The following FAM161A variants were observed in gnomAD, a reference collection of about 807,000 sequenced individuals.
FAM161A encodes the protein FAM161 centrosomal protein A.
In FAM161A, 57 loss-of-function variants were observed where a neutral mutation model predicts 70.9. The ratio of observed to expected loss-of-function variants is 0.80; its 90% CI spans 0.65 to 1.00. The LOEUF is 1.00. Ranked by LOEUF, FAM161A falls within the 50% of genes least tolerant of loss-of-function variation. FAM161A has a pLI of 0.00. For synonymous variants in FAM161A, 299 were observed against 295.7 expected (o/e 1.01, Z -0.12); for missense variants, 880 against 836.0 (o/e 1.05, Z -0.65).
rs1672894439 is a variant in FAM161A, at chr2:61,839,072, T to TTCATTTA, written c.1583+348_1583+349insTAAATGA. ...TAATTTTTTGTATTTTTAGTAGAGA[T>TTCATTTA]GGGGGTTTCATTATCTCGGCCAGGG... On this transcript the variant is annotated intron_variant, in intron 3 of 6. Transcript: ENST00000404929. Among the ~76,000 whole-genome samples the TTCATTTA allele has an allele frequency of 6.6e-5, 10 of 151,628 alleles. No individual in the cohort carries two copies. In the South Asian group the frequency reaches 1.9e-3, roughly 28 times the overall value.
At chr2:61,801,940 AAC>A in the FAM161A span, among the ~76,000 whole-genome samples, 16 of 152,206 alleles carry the variant, frequency 1.1e-4, no homozygotes, top group Non-Finnish European at 2.2e-4. Flanking sequence ...AAACAAAACA[AAC>A]ACAAACTTCT....
intron 1 of FAM161A, among the ~76,000 whole-genome samples, chr2:61,853,406 A>G (rs554429496): frequency 7.9e-5 from 12 of 152,312 alleles, no homozygotes; most frequent in Admixed American, 3.3e-4. Flanking sequence ...TAGCCAGTGA[A>G]CACGTGATGG....
chr2:61,816,656 CG>C, the FAM161A span, among the ~76,000 whole-genome samples: 9 of 151,604 alleles, frequency 5.9e-5, no homozygotes, highest in Admixed American at 4.0e-4. Context: ...GACGGCGGGG[CG>C]GGGGGGTCTT....
In FAM161A at chr2:61,827,174, C is replaced by G; in HGVS notation, c.1936G>C (p.Gly646Arg). The change falls in exon 6 of 7, where the codon GGC becomes CGC. Residue 646 changes from glycine (G) to arginine (R), a missense_variant. Physicochemically the swap from Gly to Arg is moderately radical, Grantham distance 125. Transcript: ENST00000404929. ...GISDEFVSKKGQSGKVLEYFN... is the reference protein window; with the variant it reads ...GISDEFVSKKRQSGKVLEYFN... ...TACTCAAGTACTTTTCCACTTTGGC[C>G]TTTCTTTGAAACAAACTCATCAGAT... 1 of 1,613,922 alleles carries G rather than the reference C, an allele frequency of 6.2e-7. No homozygotes were observed. Among genetic ancestry groups the G allele is most frequent in the Non-Finnish European group, 8.5e-7 (1 of 1,179,994 alleles).
chr2:61,810,054 A>G, the FAM161A span, among the ~76,000 whole-genome samples: 2 of 152,260 alleles, frequency 1.3e-5, no homozygotes, highest in Non-Finnish European at 1.5e-5. Flanking sequence ...AGGCAAGACC[A>G]GCAGAAAATT....
chr2:61,809,760 C>T, the FAM161A span, among the ~76,000 whole-genome samples: 1 of 152,156 alleles, frequency 6.6e-6, no homozygotes, highest in Non-Finnish European at 1.5e-5. Context: ...CACCTGAGCC[C>T]TGCTTTAATG....
rs188276373 is a variant in FAM161A, at chr2:61,827,203, C to T, written c.1907G>A (p.Gly636Glu). Residue 636 changes from glycine to glutamate, a missense_variant, in exon 6 of 7, where the codon GGA becomes GAA. Transcript: ENST00000404929. ...CTTTGAAACAAACTCATCAGATATT[C>T]CTAGTGCTTTTAGGGTATTAGAATA... ...KHYSNTLKAL[G>E]ISDEFVSKKG... 1.2e-5 allele frequency: 19 copies of T among 1,613,880 alleles called. No individual in the cohort carries two copies. In the Admixed American group the frequency reaches 2.5e-4, roughly 21 times the overall value.
chr2:61,827,029 T>C (rs549573962), intron 6 of FAM161A, 75 bp downstream of exon 6: 26 of 1,363,914 alleles, frequency 1.9e-5, no homozygotes, highest in African/African-American at 4.3e-5. Flanking sequence ...AAAATATACA[T>C]AGTATAAAAT....
At chr2:61,827,712 A>G (rs894614250) in intron 5 of FAM161A, among the ~76,000 whole-genome samples, 4 of 151,800 alleles carry the variant, frequency 2.6e-5, no homozygotes, top group Non-Finnish European at 4.4e-5. Flanking sequence ...CAACAATTAC[A>G]CTCCTAGGAA....
intron 4 of FAM161A, chr2:61,836,974 TC>T (rs1672798569): frequency 6.4e-6 from 1 of 156,592 alleles, no homozygotes; most frequent in East Asian, 1.9e-4. Flanking sequence ...CAAATGATCC[TC>T]CCACCTTAGC....
the FAM161A span, among the ~76,000 whole-genome samples, chr2:61,816,666 TTGC>T: frequency 6.6e-6 from 1 of 152,102 alleles, no homozygotes; most frequent in Non-Finnish European, 1.5e-5. Flanking sequence ...CGGGGGGGTC[TTGC>T]TATGTTGCCC....
At chr2:61,824,001 C>A (rs1391511764), downstream of FAM161A, among the ~76,000 whole-genome samples, 1 of 151,484 alleles carries the variant, frequency 6.6e-6, no homozygotes, top group Non-Finnish European at 1.5e-5. Flanking sequence ...CTAAAGTAAT[C>A]TTTCAGCTGT....
the FAM161A span, among the ~76,000 whole-genome samples, chr2:61,804,834 G>A: frequency 7.1e-6 from 1 of 141,452 alleles, no homozygotes; most frequent in East Asian, 2.4e-4. Flanking sequence ...GAGAAAGAAA[G>A]AAGGAAGCAA....
intron 1 of FAM161A, among the ~76,000 whole-genome samples, chr2:61,851,524 C>T (rs1003795792): frequency 4.6e-5 from 7 of 151,868 alleles, no homozygotes; most frequent in South Asian, 2.1e-4. Flanking sequence ...TAGTAGAGAC[C>T]GGGTTTTGCC....
At chr2:61,834,682 C>T (rs943944115) in intron 5 of FAM161A, among the ~76,000 whole-genome samples, 2 of 152,074 alleles carry the variant, frequency 1.3e-5, no homozygotes, top group Non-Finnish European at 2.9e-5. Flanking sequence ...AGGCTGGTCT[C>T]GAACCACTGA....
intron 1 of FAM161A, among the ~76,000 whole-genome samples, chr2:61,847,544 G>A (rs1041005240): frequency 6.6e-6 from 1 of 152,188 alleles, no homozygotes; most frequent in African/African-American, 2.4e-5. Flanking sequence ...GCTGGGGCAG[G>A]TGGATTGCTT....
rs1672749074 is a variant in FAM161A, at chr2:61,835,869, T to C, written c.1851+141A>G. ...AAGCAAAATTACTCATTGGCTGATA[T>C]GATGAAGCCAACACAAACAACAATA... On this transcript the variant is annotated intron_variant, in intron 5 of 6. Coordinates refer to ENST00000404929, the MANE Select transcript of FAM161A (RefSeq NM_001201543.2). 5 of 714,478 alleles carry C rather than the reference T, an allele frequency of 7.0e-6. No individual in the cohort carries two copies. In the Admixed American group the frequency reaches 7.4e-5, roughly 11 times the overall value. The allele number at this position is 714,478 out of a possible 1,614,324, so 44.3% of individuals were successfully genotyped here.
intron 5 of FAM161A, among the ~76,000 whole-genome samples, chr2:61,833,425 C>CAAAA (rs35987360): frequency 9.0e-6 from 1 of 110,770 alleles, no homozygotes; most frequent in Non-Finnish European, 1.8e-5. Context: ...GACTCTGTCT[C>CAAAA]AAAAAAAAAA....
intron 1 of FAM161A, among the ~76,000 whole-genome samples, chr2:61,842,922 T>C (rs1382033521): frequency 6.6e-6 from 1 of 151,896 alleles, no homozygotes; most frequent in Non-Finnish European, 1.5e-5. Flanking sequence ...GGGCAAGACT[T>C]TGGGAGGGAG....
Sources: allele counts gnomAD v4.1 joint callset (sites outside exome capture counted in the v4.1 genomes callset), GRCh38; gene constraint gnomAD v4.1.1; transcripts MANE v1.5; gene names NCBI Gene and HGNC (gene_info 2026-07-23, HGNC 2026-07-21).